CACNA1E: variants seen among roughly 807,000 people sequenced by gnomAD.
CACNA1E encodes calcium voltage-gated channel subunit alpha1 E, also known as voltage-dependent R-type calcium channel subunit alpha-1E.
CACNA1E carries 40 observed loss-of-function variants against 259.2 expected under a neutral mutation model. That is an observed-to-expected ratio of 0.15 (90% CI 0.12 to 0.20). The LOEUF is 0.20. Among genes scored for constraint, CACNA1E ranks in the 10% least tolerant of loss-of-function variants. The pLI, the probability that CACNA1E is intolerant of heterozygous loss-of-function variation, is 1.00. For synonymous variants in CACNA1E, 1,104 were observed against 1,138.5 expected (o/e 0.97, Z 0.61); for missense variants, 1,874 against 3,040.1 (o/e 0.62, Z 9.02).
Position 181,486,438 on chromosome 1 carries a change from T to C in CACNA1E, c.266+2428T>C, listed in dbSNP as rs148430314. Among the ~76,000 whole-genome samples the C allele has an allele frequency of 6.7e-3, 1,023 of 152,356 alleles. 13 individuals are homozygous for C. The highest frequency in any genetic ancestry group is 0.022 in the African/African-American group (930 of 41,578). ...TCTGGTGGTGACCACGTGGAAACATTGGGCTTCCGTGGGAAACGCACCTAA... is the reference window on the plus strand; with the variant it reads ...TCTGGTGGTGACCACGTGGAAACATCGGGCTTCCGTGGGAAACGCACCTAA... On this transcript the variant is annotated intron_variant, in intron 1 of 47. Transcript: ENST00000367573.
intron 3 of CACNA1E, among the ~76,000 whole-genome samples, chr1:181,527,644 T>G (rs1242945762): frequency 6.6e-6 from 1 of 152,224 alleles, no homozygotes; most frequent in Non-Finnish European, 1.5e-5. Flanking sequence ...CTCTCTGTAT[T>G]CTTTTTTGAA....
rs1662541295 is a variant in CACNA1E, at chr1:181,805,093, T to C, written c.*6259T>C. 6.6e-6 allele frequency: 1 copy of C among 152,138 alleles called. No homozygotes were observed. The highest frequency in any genetic ancestry group is 1.5e-5 in the Non-Finnish European group (1 of 68,038). The allele number at this position is 152,138 out of a possible 1,614,324, so 9.4% of individuals were successfully genotyped here. On this transcript the variant is annotated 3_prime_UTR_variant, in exon 48 of 48. Coordinates refer to ENST00000367573, the MANE Select transcript of CACNA1E (RefSeq NM_001205293.3). ...GGAAATCTGAACGAATCTTTTCTCTTTTTGTCCTACAAGTTTGTCAGAGAT... is the reference window on the plus strand; with the variant it reads ...GGAAATCTGAACGAATCTTTTCTCTCTTTGTCCTACAAGTTTGTCAGAGAT...
chr1:181,467,529 C>G (rs1278847276), intron 2 of CACNA1E, among the ~76,000 whole-genome samples: 1 of 152,164 alleles, frequency 6.6e-6, no homozygotes, highest in Non-Finnish European at 1.5e-5. Flanking sequence ...GTTGAGGTCA[C>G]TTTTTCTTTT....
At chr1:181,748,873 C>T (rs1317080922) in intron 25 of CACNA1E, among the ~76,000 whole-genome samples, 1 of 152,094 alleles carries the variant, frequency 6.6e-6, no homozygotes, top group Non-Finnish European at 1.5e-5. Context: ...CAGTGCCTGA[C>T]ATATATTAAG....
chr1:181,482,195 AG>A (rs1486801901), upstream of CACNA1E, among the ~76,000 whole-genome samples: 1 of 152,216 alleles, frequency 6.6e-6, no homozygotes, highest in Non-Finnish European at 1.5e-5. Flanking sequence ...GGAGCCTGGG[AG>A]GTGCGGAGGA....
intron 7 of CACNA1E, among the ~76,000 whole-genome samples, chr1:181,685,308 AGTT>A (rs1302999925): frequency 2.0e-5 from 3 of 150,054 alleles, no homozygotes; most frequent in Non-Finnish European, 4.4e-5. Context: ...CCTCATAACA[AGTT>A]GTTGTGCAAC....
At chr1:181,434,415 T>C (rs942105572) in intron 2 of CACNA1E, among the ~76,000 whole-genome samples, 8 of 151,438 alleles carry the variant, frequency 5.3e-5, no homozygotes, top group African/African-American at 1.9e-4. Context: ...TTTTAAATAC[T>C]AGAAATTACA....
chr1:181,573,979 A>G (rs1650687094), intron 3 of CACNA1E, among the ~76,000 whole-genome samples: 1 of 152,218 alleles, frequency 6.6e-6, no homozygotes, highest in Non-Finnish European at 1.5e-5. Context: ...CTTTGTAGGG[A>G]CATGGATGGA....
At chr1:181,604,312 A>G (rs970918887) in intron 6 of CACNA1E, among the ~76,000 whole-genome samples, 9 of 151,966 alleles carry the variant, frequency 5.9e-5, no homozygotes, top group African/African-American at 2.2e-4. Context: ...GGACCCCCAG[A>G]CCCCACTTTT....
chr1:181,534,489 A>G (rs1668016724), intron 3 of CACNA1E, among the ~76,000 whole-genome samples: 1 of 152,152 alleles, frequency 6.6e-6, no homozygotes, highest in African/African-American at 2.4e-5. Context: ...CAAAGAATTC[A>G]TTATCACAGC....
Position 181,802,534 on chromosome 1 carries a change from G to A in CACNA1E, c.*3700G>A, listed in dbSNP as rs1662351415. 1 of 152,196 alleles carries A rather than the reference G, an allele frequency of 6.6e-6. No homozygotes were observed. The highest frequency in any genetic ancestry group is 2.4e-5 in the African/African-American group (1 of 41,436). The allele number at this position is 152,196 out of a possible 1,614,324, so 9.4% of individuals were successfully genotyped here. A position where few individuals can be genotyped will look rare whatever the true frequency, so the allele number is the denominator to read the frequency against. On this transcript the variant is annotated 3_prime_UTR_variant, in exon 48 of 48. Transcript: ENST00000367573. ...GCATGTTAGCGCTGATCCAGCTCCT[G>A]AGATGGTTAATTCCACCCAATCCAA...
chr1:181,350,219 G>T (rs916855240), intron 1 of CACNA1E, among the ~76,000 whole-genome samples: 1 of 152,206 alleles, frequency 6.6e-6, no homozygotes, highest in Non-Finnish European at 1.5e-5. Flanking sequence ...GGAAACTCAC[G>T]CAAGTGATAT....
chr1:181,600,552 CT>C lies in CACNA1E; in HGVS notation c.951+19778del, dbSNP rs1325915290. 5.3e-5 allele frequency among the ~76,000 whole-genome samples: 8 copies of C among 152,112 alleles called. 1 individual carries two copies. The South Asian group carries it at 1.5e-3, about 28-fold the overall frequency. On this transcript the variant is annotated intron_variant, in intron 6 of 47. Transcript: ENST00000367573. ...TGTTTTGAAGGTGGAGCTGGCAGGA[CT>C]TGTTAATGGGTTGAATGTGGGGTAG...
At chr1:181,733,782 C>G in intron 21 of CACNA1E, 32 bp downstream of exon 21, 2 of 1,456,258 alleles carry the variant, frequency 1.4e-6, no homozygotes, top group South Asian at 1.4e-5. Flanking sequence ...CCCTCCACCC[C>G]CAACTCCTAT....
chr1:181,624,643 T>C (rs56256494), intron 6 of CACNA1E, among the ~76,000 whole-genome samples: 12,948 of 152,272 alleles, frequency 0.085, 650 homozygotes, highest in South Asian at 0.21. Flanking sequence ...GTTCTCTTGC[T>C]GTTTTCACCC....
intron 7 of CACNA1E, among the ~76,000 whole-genome samples, chr1:181,658,848 C>G (rs1558236227): frequency 6.6e-6 from 1 of 152,096 alleles, no homozygotes; most frequent in Admixed American, 6.6e-5. Context: ...GTTTCTTTTT[C>G]TCATTCTGAA....
intron 6 of CACNA1E, among the ~76,000 whole-genome samples, chr1:181,629,083 G>C (rs1182349439): frequency 6.6e-6 from 1 of 152,182 alleles, no homozygotes; most frequent in Non-Finnish European, 1.5e-5. Context: ...GAGTCCCTCT[G>C]TCTGGGGAGG....
intron 6 of CACNA1E, among the ~76,000 whole-genome samples, chr1:181,621,646 G>T (rs1348264402): frequency 6.6e-6 from 1 of 152,186 alleles, no homozygotes; most frequent in Non-Finnish European, 1.5e-5. Context: ...ATGAGATATA[G>T]TGAATAAATT....
intron 29 of CACNA1E, 24 bp downstream of exon 29, chr1:181,756,117 T>C (rs1462134343): frequency 1.3e-6 from 2 of 1,593,164 alleles, no homozygotes; most frequent in Admixed American, 3.4e-5. Flanking sequence ...TTGTCATGCT[T>C]GTCTGTGGCT....
Sources: allele counts gnomAD v4.1 joint callset (sites outside exome capture counted in the v4.1 genomes callset), GRCh38; gene constraint gnomAD v4.1.1; transcripts MANE v1.5; gene names NCBI Gene and HGNC (gene_info 2026-07-23, HGNC 2026-07-21).